The following CYP2S1 variants were observed in gnomAD, a reference collection of about 807,000 sequenced individuals.
CYP2S1 encodes cytochrome P450 2S1.
In CYP2S1, 32 loss-of-function variants were observed where a neutral mutation model predicts 43.5. That is an observed-to-expected ratio of 0.74 (90% CI 0.56 to 0.99). The LOEUF is 0.99. Ranked by LOEUF, CYP2S1 falls within the 50% of genes least tolerant of loss-of-function variation. CYP2S1 has a pLI of 0.00. For synonymous variants in CYP2S1, 283 were observed against 302.9 expected, an observed-to-expected ratio of 0.93 and a Z score of 0.68; for missense variants, 575 against 673.9, an observed-to-expected ratio of 0.85 and a Z score of 1.62.
At chr19:41,194,450 A>AC in intron 1 of CYP2S1, 94 bp from the exon 2 acceptor site, 1 of 1,442,504 alleles carries the variant, frequency 6.9e-7, no homozygotes, top group South Asian at 1.6e-5. Flanking sequence ...TAGAAGCTAG[A>AC]CCCGGTGGCT....
intron 7 of CYP2S1, among the ~76,000 whole-genome samples, chr19:41,204,400 T>C (rs535221210): frequency 1.4e-5 from 2 of 144,656 alleles, no homozygotes; most frequent in African/African-American, 5.0e-5. Context: ...TTCTCTCCTC[T>C]GTCTCTCTCT....
intron 2 of CYP2S1, among the ~76,000 whole-genome samples, chr19:41,197,012 G>A (rs1418963343): frequency 1.3e-5 from 2 of 151,870 alleles, no homozygotes; most frequent in South Asian, 4.2e-4. Flanking sequence ...CCTAGACAAC[G>A]TAGAGAAACC....
chr19:41,205,577 A>G (rs116204276), intron 7 of CYP2S1, among the ~76,000 whole-genome samples: 2,890 of 150,346 alleles, frequency 0.019, 100 homozygotes, highest in African/African-American at 0.068. Context: ...GCTGGGGTGC[A>G]GTGGTACAAG....
chr19:41,196,764 A>G (rs2033418056), intron 2 of CYP2S1, among the ~76,000 whole-genome samples: 1 of 151,970 alleles, frequency 6.6e-6, no homozygotes, highest in South Asian at 2.1e-4. Context: ...AAGGGAGGAA[A>G]ATGGTGCAGT....
intron 1 of CYP2S1, chr19:41,193,731 G>GAA: frequency 2.5e-6 from 1 of 392,340 alleles, no homozygotes; most frequent in Non-Finnish European, 4.1e-6. Context: ...GACCGAGGCT[G>GAA]AAAGAGACAG....
At chr19:41,201,123 C>T (rs1599714306) in intron 5 of CYP2S1, 108 bp from the exon 6 acceptor site, 1 of 1,419,606 alleles carries the variant, frequency 7.0e-7, no homozygotes, top group Non-Finnish European at 9.4e-7. Context: ...TTTATCTAAA[C>T]CCCGTGACAA....
Position 41,198,552 on chromosome 19 carries a change from A to T in CYP2S1, c.584A>T (p.Asp195Val), listed in dbSNP as rs1339093971. Reference sequence around the variant, plus strand: ...TTTGGCCTCCGCTTCTCCTATGAGGATAAGGAGTTCCAGGCCGTGGTCCGG... The same window carrying T: ...TTTGGCCTCCGCTTCTCCTATGAGGTTAAGGAGTTCCAGGCCGTGGTCCGG... ...LLFGLRFSYE[D>V]KEFQAVVRAA... The change falls in exon 4 of 9, where the codon GAT (aspartate) becomes GTT (valine). Residue 195 changes from aspartate (D) to valine (V), a missense_variant. Coordinates refer to ENST00000310054, the MANE Select transcript of CYP2S1 (RefSeq NM_030622.8). The surrounding 1 kb of genome is among the most constrained non-coding windows in gnomAD (Gnocchi z 4.9). 1 of 1,614,066 alleles carries T rather than the reference A, an allele frequency of 6.2e-7. No individual in the cohort carries two copies. Among genetic ancestry groups the T allele is most frequent in the Admixed American group, 1.7e-5 (1 of 60,018 alleles).
At chr19:41,199,220 G>C (rs149546689) in intron 5 of CYP2S1, among the ~76,000 whole-genome samples, 210 of 152,064 alleles carry the variant, frequency 1.4e-3, no homozygotes, top group African/African-American at 4.9e-3. Flanking sequence ...GCAATCCCCA[G>C]GATCACTTCA....
chr19:41,197,110 G>A (rs1229607158), intron 2 of CYP2S1, among the ~76,000 whole-genome samples: 5 of 152,084 alleles, frequency 3.3e-5, no homozygotes, highest in African/African-American at 1.2e-4. Flanking sequence ...CAGGAGAATC[G>A]CTTGAACCCG....
chr19:41,193,230 G>T lies in CYP2S1; in HGVS notation c.-35G>T. On this transcript the variant is annotated 5_prime_UTR_variant, in exon 1 of 9. Coordinates refer to ENST00000310054, the MANE Select transcript of CYP2S1 (RefSeq NM_030622.8). ...CCCCTAACTAGCCCAGCCGCGCGGA[G>T]CGCCTGGGAGAGGAGAAGGAGCCGA... 4.0e-6 allele frequency: 6 copies of T among 1,493,232 alleles called. No homozygotes were observed. Among genetic ancestry groups the T allele is most frequent in the Non-Finnish European group, 5.3e-6 (6 of 1,128,052 alleles). 92.5% of individuals were successfully genotyped at this position (1,493,232 alleles called of 1,614,324 possible). A position where few individuals can be genotyped will look rare whatever the true frequency, so the allele number is the denominator to read the frequency against.
At chr19:41,201,403 G>A (rs768617755) in intron 6 of CYP2S1, 31 bp downstream of exon 6, 16 of 1,609,274 alleles carry the variant, frequency 9.9e-6, no homozygotes, top group Non-Finnish European at 1.4e-5. Context: ...CCAGGCCTTG[G>A]GAACAGAAGT....
intron 5 of CYP2S1, 114 bp from the exon 6 acceptor site, chr19:41,201,117 T>C (rs149184282): frequency 2.1e-5 from 29 of 1,394,040 alleles, no homozygotes; most frequent in Non-Finnish European, 2.4e-5. Context: ...CAAAAATTTA[T>C]CTAAACCCCG....
intron 6 of CYP2S1, among the ~76,000 whole-genome samples, 189 bp downstream of exon 6, chr19:41,201,561 C>A (rs1292804510): frequency 2.0e-5 from 3 of 151,876 alleles, no homozygotes; most frequent in Admixed American, 2.0e-4. Context: ...CAAAAATTAG[C>A]GGGTGTGGTG....
At chr19:41,201,116 A>G (rs2033482547) in intron 5 of CYP2S1, 115 bp from the exon 6 acceptor site, 2 of 1,393,210 alleles carry the variant, frequency 1.4e-6, no homozygotes, top group Non-Finnish European at 1.9e-6. Context: ...CCAAAAATTT[A>G]TCTAAACCCC....
rs1365242476 is a variant in CYP2S1 at position 41,198,213 on chromosome 19, A to G, written c.494-249A>G. On this transcript the variant is annotated intron_variant, in intron 3 of 8. Transcript: ENST00000310054. This position sits in a 1 kb window ranked among gnomAD's most constrained non-coding sequence, Gnocchi z 4.9. The stretch of plus-strand genomic sequence containing the variant: ...CTTTTCTTTCTCTCTCCTTTCCTCT[A>G]TTTTTTGGGCCCTCAGTCTATCTCT... Among the ~76,000 whole-genome samples, 4 of 146,674 alleles carry G rather than the reference A, an allele frequency of 2.7e-5. No homozygotes were observed. The East Asian group carries it at 6.1e-4, about 22-fold the overall frequency.
chr19:41,197,502 C>G (rs2033427221), intron 2 of CYP2S1, among the ~76,000 whole-genome samples: 1 of 152,002 alleles, frequency 6.6e-6, no homozygotes, highest in South Asian at 2.1e-4. Flanking sequence ...AGATCGAGAC[C>G]ATCCTGGCTA....
At chr19:41,199,170 G>A (rs761807690) in intron 5 of CYP2S1, among the ~76,000 whole-genome samples, 2 of 151,872 alleles carry the variant, frequency 1.3e-5, no homozygotes, top group African/African-American at 4.8e-5. Flanking sequence ...CTCCCACCTC[G>A]GCCCTTGTGT....
chr19:41,203,842 AC>A (rs1042712412), intron 7 of CYP2S1, among the ~76,000 whole-genome samples: 1 of 129,996 alleles, frequency 7.7e-6, no homozygotes, highest in Non-Finnish European at 1.6e-5. Context: ...TTTCTCTGAC[AC>A]CCCCTCCCTT....
At chr19:41,193,543 C>T in intron 1 of CYP2S1, 102 bp downstream of exon 1, 1 of 1,360,442 alleles carries the variant, frequency 7.4e-7, no homozygotes, top group South Asian at 1.8e-5. Flanking sequence ...AGGGAGGAGG[C>T]AGGGGCAGGG....
Sources: gnomAD v4.1 joint callset for allele counts (sites outside exome capture counted in the v4.1 genomes callset) on GRCh38, gnomAD v4.1.1 for gene constraint, Gnocchi (gnomAD v3.1) non-coding constraint, MANE v1.5 for transcripts, NCBI Gene and HGNC (gene_info 2026-07-23, HGNC 2026-07-21) for gene names.